Variants in STYXL2 observed in about 807,000 individuals in gnomAD.
STYXL2 encodes serine/threonine/tyrosine interacting like 2, also known as serine/threonine/tyrosine-interacting-like protein 2.
STYXL2 carries 44 observed loss-of-function variants against 52.4 expected under a neutral mutation model. That is an observed-to-expected ratio of 0.84 (90% CI 0.66 to 1.08). The LOEUF (loss-of-function observed/expected upper bound fraction) is 1.08, where lower values mean the gene tolerates loss of function less well. Among genes scored for constraint, STYXL2 ranks in the 50% least tolerant of loss-of-function variants. The pLI is 0.00. For missense variants in STYXL2, 1,604 were observed against 1,471.7 expected (o/e 1.09, Z -1.47); for synonymous variants, 604 against 586.9 (o/e 1.03, Z -0.42).
chr1:167,122,518 C>T (rs1667878112), intron 5 of STYXL2, among the ~76,000 whole-genome samples: 1 of 151,966 alleles, frequency 6.6e-6, no homozygotes, highest in African/African-American at 2.4e-5. Flanking sequence ...AGGGGGATAC[C>T]TTCTGAAGAA....
At chr1:167,117,128 G>A (rs1277658700) in intron 3 of STYXL2, among the ~76,000 whole-genome samples, 200 bp from the exon 4 acceptor site, 1 of 152,228 alleles carries the variant, frequency 6.6e-6, no homozygotes, top group Non-Finnish European at 1.5e-5. Flanking sequence ...CAGTCTTCTT[G>A]CTGACCCTGA....
chr1:167,113,321 G>A (rs1265802466), intron 2 of STYXL2, among the ~76,000 whole-genome samples: 1 of 152,140 alleles, frequency 6.6e-6, no homozygotes, highest in Non-Finnish European at 1.5e-5. Flanking sequence ...ACTGGCAGAG[G>A]CAAAATTAAG....
intron 4 of STYXL2, among the ~76,000 whole-genome samples, chr1:167,118,092 G>C (rs1165829370): frequency 6.6e-6 from 1 of 152,148 alleles, no homozygotes; most frequent in African/African-American, 2.4e-5. Flanking sequence ...TGTGAACAAT[G>C]TTTCTCTCTG....
chr1:167,096,118 TGTG>T lies in STYXL2; in HGVS notation c.110+1165_110+1167del, dbSNP rs111437574. 5.9e-3 allele frequency among the ~76,000 whole-genome samples: 890 copies of T among 151,840 alleles called. 6 individuals are homozygous for T. The highest frequency in any genetic ancestry group is 0.02 in the African/African-American group (840 of 41,396). On this transcript the variant is annotated intron_variant, in intron 2 of 5. Coordinates refer to ENST00000361200, the MANE Select transcript of STYXL2 (RefSeq NM_001080426.3). ...ACTAAAAATACAAAACTTAGCCAGG[TGTG>T]GTGGTAGGTGCCTGTAATCTCAGCT...
In STYXL2 at chr1:167,126,907, G is replaced by A. The variant is rs761664135; in HGVS notation, c.1776G>A (p.Trp592Ter). Residue 592 changes from tryptophan to a stop codon, truncating the protein, a stop_gained, in exon 6 of 6, where the codon TGG becomes TGA. Coordinates refer to ENST00000361200, the MANE Select transcript of STYXL2 (RefSeq NM_001080426.3). LOFTEE classifies it low-confidence loss of function (END_TRUNC). ...TCAGCCTGACAGCCTACCAGGCCTGGAAGCTGAAACACCAGAAGAAGGTGG... is the reference window on the plus strand; with the variant it reads ...TCAGCCTGACAGCCTACCAGGCCTGAAAGCTGAAACACCAGAAGAAGGTGG... The part of the protein sequence containing the change: ...SDVSLTAYQA[W>*]KLKHQKKVGS... The A allele has an allele frequency of 6.2e-7, 1 of 1,612,160 alleles. No individual in the cohort carries two copies. The highest frequency in any genetic ancestry group is 2.2e-5 in the East Asian group (1 of 44,874).
At chr1:167,097,448 T>C (rs1667310730) in intron 2 of STYXL2, among the ~76,000 whole-genome samples, 1 of 152,248 alleles carries the variant, frequency 6.6e-6, no homozygotes. Flanking sequence ...TTTGCCTTTT[T>C]GTCTCCGTTT....
intron 2 of STYXL2, among the ~76,000 whole-genome samples, chr1:167,099,801 G>A (rs1667363828): frequency 6.6e-6 from 1 of 152,158 alleles, no homozygotes; most frequent in African/African-American, 2.4e-5. Flanking sequence ...CTACATATGT[G>A]CACCAGAAGA....
At chr1:167,103,203 A>G (rs1667437915) in intron 2 of STYXL2, among the ~76,000 whole-genome samples, 1 of 152,014 alleles carries the variant, frequency 6.6e-6, no homozygotes, top group Non-Finnish European at 1.5e-5. Context: ...AGTCCATCCT[A>G]ATTTAGGGTT....
intron 2 of STYXL2, among the ~76,000 whole-genome samples, chr1:167,110,413 T>C (rs1017179195): frequency 3.3e-5 from 5 of 152,096 alleles, no homozygotes; most frequent in African/African-American, 1.2e-4. Flanking sequence ...AGAAGATCAA[T>C]TATTAAGCAA....
chr1:167,098,532 C>T (rs1027354412), intron 2 of STYXL2, among the ~76,000 whole-genome samples: 1 of 152,152 alleles, frequency 6.6e-6, no homozygotes, highest in Non-Finnish European at 1.5e-5. Context: ...TTATACTACA[C>T]TGTTTCAGTT....
At chr1:167,105,051 C>T (rs570284475) in intron 2 of STYXL2, among the ~76,000 whole-genome samples, 2 of 152,306 alleles carry the variant, frequency 1.3e-5, no homozygotes, top group Admixed American at 1.3e-4. Flanking sequence ...CAAAACTACA[C>T]TTATCCTTAC....
intron 5 of STYXL2, 45 bp downstream of exon 5, chr1:167,119,511 A>T (rs746916811): frequency 6.5e-7 from 1 of 1,548,004 alleles, no homozygotes; most frequent in East Asian, 2.2e-5. Flanking sequence ...TCCACGGGGG[A>T]AAAGTAATGT....
chr1:167,115,854 G>C (rs938381946), intron 3 of STYXL2, among the ~76,000 whole-genome samples: 1 of 152,162 alleles, frequency 6.6e-6, no homozygotes, highest in African/African-American at 2.4e-5. Flanking sequence ...GGGTCCCTCA[G>C]GGGGGTTAGA....
rs1355289436 is a variant in STYXL2 at position 167,111,507 on chromosome 1, TATATATACAC to T, written c.111-2201_111-2192del. On this transcript the variant is annotated intron_variant, in intron 2 of 5. Coordinates refer to ENST00000361200, the MANE Select transcript of STYXL2 (RefSeq NM_001080426.3). ...ATATATATATATATATATATATATA[TATATATACAC>T]ACACACACACACAAATATATATATA... Among the ~76,000 whole-genome samples, 249 of 49,850 alleles carry T rather than the reference TATATATACAC, an allele frequency of 5.0e-3. 1 individual carries two copies. The highest frequency in any genetic ancestry group is 7.7e-3 in the Middle Eastern group (1 of 130). The allele number at this position is 49,850 out of a possible 152,430, so 32.7% of individuals were successfully genotyped here.
intron 2 of STYXL2, among the ~76,000 whole-genome samples, chr1:167,101,991 A>G (rs1667412533): frequency 6.6e-6 from 1 of 152,230 alleles, no homozygotes; most frequent in Non-Finnish European, 1.5e-5. Context: ...CTATTGATTC[A>G]TACAACAACA....
At position 167,127,234 on chromosome 1, in the gene STYXL2, C is replaced by T. The variant is rs756161976; in HGVS notation, c.2103C>T (p.Ser701=). The T allele has an allele frequency of 1.2e-6, 2 of 1,614,064 alleles. No individual in the cohort carries two copies. The highest frequency in any genetic ancestry group is 3.3e-5 in the Admixed American group (2 of 60,006). ...AASNIAGCST[S]NPTTPLPNLP... The stretch of plus-strand genomic sequence containing the variant: ...GCAACATAGCGGGGTGTTCAACCTC[C>T]AACCCCACCACACCCCTGCCTAACC... Residue 701 remains serine, a synonymous_variant, in exon 6 of 6, where the codon TCC becomes TCT. Coordinates refer to ENST00000361200, the MANE Select transcript of STYXL2 (RefSeq NM_001080426.3).
chr1:167,128,749 CA>C lies in STYXL2; in HGVS notation c.*142del. On this transcript the variant is annotated 3_prime_UTR_variant, in exon 6 of 6. Transcript: ENST00000361200. ...CAGAGCCAAAATGAGAGGTACCAAG[CA>C]TAAGGGCAGCAGAGGTGGAGTAGGG... 7.3e-7 allele frequency: 1 copy of C among 1,364,934 alleles called. No homozygotes were observed. Among genetic ancestry groups the C allele is most frequent in the South Asian group, 1.6e-5 (1 of 63,856 alleles). The allele number at this position is 1,364,934 out of a possible 1,614,324, so 84.6% of individuals were successfully genotyped here.
intron 2 of STYXL2, among the ~76,000 whole-genome samples, chr1:167,100,965 A>T (rs1450495849): frequency 6.6e-6 from 1 of 152,216 alleles, no homozygotes; most frequent in East Asian, 1.9e-4. Flanking sequence ...ATCCCACTTT[A>T]CTTCACAGAA....
intron 4 of STYXL2, among the ~76,000 whole-genome samples, chr1:167,118,216 T>C (rs1571343080): frequency 6.6e-6 from 1 of 152,194 alleles, no homozygotes; most frequent in Non-Finnish European, 1.5e-5. Context: ...TTTCTAAAAG[T>C]TTATCAGCGG....
Sources: allele counts gnomAD v4.1 joint callset (sites outside exome capture counted in the v4.1 genomes callset), GRCh38; gene constraint gnomAD v4.1.1; transcripts MANE v1.5; gene names NCBI Gene and HGNC (gene_info 2026-07-23, HGNC 2026-07-21).